PHB1: variants seen among roughly 807,000 people sequenced by gnomAD.
PHB1 encodes prohibitin 1, also known as epididymis luminal protein 215.
the PHB1 span, chr17:49,407,157 C>A: frequency 3.0e-6 from 1 of 333,058 alleles, no homozygotes; most frequent in Non-Finnish European, 5.8e-6. Context: ...TCTACTCAAT[C>A]GACCACCTCC....
the PHB1 span, among the ~76,000 whole-genome samples, chr17:49,413,953 A>G: frequency 6.6e-6 from 1 of 152,184 alleles, no homozygotes; most frequent in Non-Finnish European, 1.5e-5. Context: ...GTAGGCCCCC[A>G]AAAAGAGGCT....
At chr17:49,413,220 G>A in the PHB1 span, 2 of 1,612,298 alleles carry the variant, frequency 1.2e-6, no homozygotes, top group Middle Eastern at 3.3e-4. Flanking sequence ...CAACAGCTAA[G>A]GCCAGGCCAA....
At chr17:49,411,133 A>C in the PHB1 span, among the ~76,000 whole-genome samples, 1 of 151,900 alleles carries the variant, frequency 6.6e-6, no homozygotes, top group Non-Finnish European at 1.5e-5. Flanking sequence ...TACATAATGT[A>C]TCCTGAAAAC....
At chr17:49,409,522 G>C in the PHB1 span, 2 of 1,299,090 alleles carry the variant, frequency 1.5e-6, no homozygotes, top group Non-Finnish European at 2.1e-6. Flanking sequence ...ACCACTGTAG[G>C]AAAACAAGTG....
At chr17:49,410,931 T>C in the PHB1 span, among the ~76,000 whole-genome samples, 1 of 152,336 alleles carries the variant, frequency 6.6e-6, no homozygotes, top group East Asian at 1.9e-4. Context: ...AGGGAGAGAA[T>C]TATACTTTCC....
At chr17:49,412,445 A>G in the PHB1 span, among the ~76,000 whole-genome samples, 3 of 152,278 alleles carry the variant, frequency 2.0e-5, no homozygotes, top group Admixed American at 6.5e-5. Context: ...GGCTTTTCTA[A>G]TCAGCTGCCT....
chr17:49,409,272 C>G, the PHB1 span: 7 of 1,610,288 alleles, frequency 4.3e-6, no homozygotes, highest in African/African-American at 2.7e-5. Context: ...CTTCCTGCCA[C>G]CTGGCACCCT....
the PHB1 span, chr17:49,404,930 G>A: frequency 9.1e-7 from 1 of 1,098,448 alleles, no homozygotes; most frequent in Non-Finnish European, 1.4e-6. Flanking sequence ...AAGGAAGGCT[G>A]TGTTAAGAAT....
chr17:49,411,855 A>G, the PHB1 span: 1 of 1,610,166 alleles, frequency 6.2e-7, no homozygotes, highest in East Asian at 2.2e-5. Flanking sequence ...AAGAAAGGAC[A>G]ATGACATGTC....
chr17:49,407,745 A>T, the PHB1 span, among the ~76,000 whole-genome samples: 1 of 152,130 alleles, frequency 6.6e-6, no homozygotes, highest in African/African-American at 2.4e-5. Flanking sequence ...AGCAGCTCCA[A>T]ACTTCTCCTG....
the PHB1 span, among the ~76,000 whole-genome samples, chr17:49,414,527 T>TA: frequency 6.6e-6 from 1 of 152,100 alleles, no homozygotes; most frequent in Non-Finnish European, 1.5e-5. Flanking sequence ...CCTCCCTCCC[T>TA]ACTTCCCAGA....
the PHB1 span, chr17:49,404,535 G>A: frequency 1.2e-5 from 3 of 243,322 alleles, no homozygotes; most frequent in Non-Finnish European, 2.4e-5. Flanking sequence ...CACAGGAACC[G>A]CTGGGAAGAC....
At chr17:49,412,082 G>A in the PHB1 span, 1 of 423,290 alleles carries the variant, frequency 2.4e-6, no homozygotes. Context: ...CTTTCTCCTT[G>A]AGGGAACTGG....
the PHB1 span, chr17:49,409,029 C>T: frequency 2.0e-5 from 31 of 1,548,808 alleles, no homozygotes; most frequent in East Asian, 6.7e-5. Flanking sequence ...CTCGGTCTCC[C>T]GAAGGATCTT....
chr17:49,412,916 A>C, the PHB1 span: 1 of 379,138 alleles, frequency 2.6e-6, no homozygotes, highest in Non-Finnish European at 4.9e-6. Context: ...CTTCACCTTG[A>C]CAGAAGCCAC....
chr17:49,406,687 C>A, the PHB1 span: 1 of 1,066,464 alleles, frequency 9.4e-7, no homozygotes, highest in African/African-American at 1.6e-5. Flanking sequence ...TTCCAGGCCA[C>A]CCAGCAAATG....
the PHB1 span, chr17:49,412,972 A>G: frequency 1.9e-6 from 1 of 515,096 alleles, no homozygotes; most frequent in Non-Finnish European, 3.5e-6. Context: ...CTTTTTGAAT[A>G]CAGGCTCTGA....
chr17:49,411,580 T>C, the PHB1 span: 3 of 1,085,760 alleles, frequency 2.8e-6, no homozygotes, highest in Non-Finnish European at 4.1e-6. Flanking sequence ...GTTCAAACTC[T>C]TTTGGATCCT....
chr17:49,409,254 G>T, the PHB1 span: 1 of 1,596,178 alleles, frequency 6.3e-7, no homozygotes, highest in African/African-American at 1.3e-5. Context: ...CCAACCCACT[G>T]CCAAGCGCTT....
Sources: gnomAD v4.1 joint callset for allele counts (sites outside exome capture counted in the v4.1 genomes callset) on GRCh38, gnomAD v4.1.1 for gene constraint, MANE v1.5 for transcripts, NCBI Gene and HGNC (gene_info 2026-07-23, HGNC 2026-07-21) for gene names.